The following MCC variants were observed in gnomAD, a reference collection of about 807,000 sequenced individuals.
MCC encodes MCC regulator of Wnt signaling pathway, also known as colorectal mutant cancer protein.
Under a neutral mutation model 116.2 loss-of-function variants are expected in MCC, and 90 were observed. That is an observed-to-expected ratio of 0.77 (90% CI 0.65 to 0.92). The LOEUF is 0.92. MCC is among the 40% of genes least tolerant of loss of function. The pLI is 0.00. For synonymous variants in MCC, 578 were observed against 510.5 expected (o/e 1.13, Z -1.78); for missense variants, 1,516 against 1,312.2 (o/e 1.16, Z -2.40).
chr5:113,024,478 G>GA lies in MCC; in HGVS notation c.*2823dup, dbSNP rs749450608. The GA allele has an allele frequency of 5.9e-5, 9 of 152,334 alleles. No individual in the cohort carries two copies. In the East Asian group the frequency reaches 9.6e-4, roughly 16 times the overall value. 9.4% of individuals were successfully genotyped at this position (152,334 alleles called of 1,614,324 possible). A position where few individuals can be genotyped will look rare whatever the true frequency, so the allele number is the denominator to read the frequency against. On this transcript the variant is annotated 3_prime_UTR_variant, in exon 19 of 19. Coordinates refer to ENST00000408903, the MANE Select transcript of MCC (RefSeq NM_001085377.2). ...GGGAAATATATTCCAAGGGAACTGT[G>GA]AAATGGGTCCTTTGGCTCTGTGCCC...
At chr5:113,091,406 A>G (rs1755633451) in intron 8 of MCC, among the ~76,000 whole-genome samples, 1 of 152,236 alleles carries the variant, frequency 6.6e-6, no homozygotes, top group Admixed American at 6.5e-5. Context: ...ACAGAGAGCA[A>G]AAGATAAAAC....
intron 3 of MCC, among the ~76,000 whole-genome samples, chr5:113,290,449 G>A (rs1183612075): frequency 6.6e-6 from 1 of 152,152 alleles, no homozygotes; most frequent in Non-Finnish European, 1.5e-5. Flanking sequence ...TGATTGCCAT[G>A]GGAGAAATTT....
chr5:113,082,766 T>C lies in MCC; in HGVS notation c.1784+94A>G. 3 of 1,485,316 alleles carry C rather than the reference T, an allele frequency of 2.0e-6. No homozygotes were observed. The South Asian group carries it at 3.9e-5, about 19-fold the overall frequency. 92.0% of individuals were successfully genotyped at this position (1,485,316 alleles called of 1,614,324 possible). A position where few individuals can be genotyped will look rare whatever the true frequency, so the allele number is the denominator to read the frequency against. ...CTGACGGTACTGCTCTATGTCACAA[T>C]ACATAAGCCACCTTGAACAGATCTT... On this transcript the variant is annotated intron_variant, in intron 11 of 18. Coordinates refer to ENST00000408903, the MANE Select transcript of MCC (RefSeq NM_001085377.2).
intron 11 of MCC, among the ~76,000 whole-genome samples, chr5:113,079,230 C>T (rs185094229): frequency 1.2e-3 from 176 of 152,298 alleles, no homozygotes; most frequent in African/African-American, 4.0e-3. Flanking sequence ...GGCCATACTG[C>T]CCAAGGCAAT....
chr5:113,197,405 T>C (rs1045510751), intron 3 of MCC, among the ~76,000 whole-genome samples: 1 of 152,110 alleles, frequency 6.6e-6, no homozygotes, highest in African/African-American at 2.4e-5. Flanking sequence ...TTTTAGGCAG[T>C]GAAAAGGCTG....
At chr5:113,190,814 G>C (rs1762119502) in intron 3 of MCC, among the ~76,000 whole-genome samples, 1 of 152,186 alleles carries the variant, frequency 6.6e-6, no homozygotes, top group Admixed American at 6.5e-5. Flanking sequence ...TGGGGAACAA[G>C]GGATTGTCTA....
chr5:113,233,845 C>T (rs952781333), intron 3 of MCC, among the ~76,000 whole-genome samples: 1 of 152,162 alleles, frequency 6.6e-6, no homozygotes, highest in Non-Finnish European at 1.5e-5. Context: ...AACAGATGGT[C>T]TAGGATGACT....
intron 1 of MCC, among the ~76,000 whole-genome samples, chr5:113,398,452 T>C (rs371611116): frequency 3.2e-4 from 49 of 152,204 alleles, no homozygotes; most frequent in East Asian, 9.7e-4. Flanking sequence ...CAGTGATGGA[T>C]TGGATAAAGA....
chr5:113,033,276 T>G (rs1323776568), intron 17 of MCC, among the ~76,000 whole-genome samples: 3 of 152,218 alleles, frequency 2.0e-5, no homozygotes, highest in Non-Finnish European at 4.4e-5. Context: ...CTTGAGGGAC[T>G]GGCGTAAGGC....
intron 1 of MCC, among the ~76,000 whole-genome samples, chr5:113,452,272 T>C (rs1181861388): frequency 3.9e-5 from 6 of 152,178 alleles, no homozygotes; most frequent in Non-Finnish European, 1.5e-5. Flanking sequence ...GCCACATGCA[T>C]ATATAGGAAT....
At chr5:113,305,276 G>A (rs931150593) in intron 3 of MCC, among the ~76,000 whole-genome samples, 7 of 152,098 alleles carry the variant, frequency 4.6e-5, no homozygotes, top group Admixed American at 2.0e-4. Flanking sequence ...CAGTTGTTTT[G>A]CATGATTATC....
intron 3 of MCC, among the ~76,000 whole-genome samples, chr5:113,210,989 G>C (rs911030924): frequency 1.3e-5 from 2 of 152,202 alleles, no homozygotes; most frequent in Non-Finnish European, 2.9e-5. Context: ...GGTTAGAAAA[G>C]ACTTCTCACT....
intron 1 of MCC, among the ~76,000 whole-genome samples, chr5:113,459,967 A>G (rs924893186): frequency 2.0e-5 from 3 of 152,228 alleles, no homozygotes; most frequent in Non-Finnish European, 1.5e-5. Flanking sequence ...CAAGGAATCA[A>G]GCTGGAAACT....
At chr5:113,428,213 TAA>T (rs1281009930) in intron 1 of MCC, among the ~76,000 whole-genome samples, 7 of 152,120 alleles carry the variant, frequency 4.6e-5, no homozygotes, top group Non-Finnish European at 1.0e-4. Context: ...GATGATCTCT[TAA>T]CCACAAGAAA....
chr5:113,469,655 T>G (rs967259016), intron 1 of MCC, among the ~76,000 whole-genome samples: 7 of 152,198 alleles, frequency 4.6e-5, no homozygotes, highest in Non-Finnish European at 7.3e-5. Context: ...AGAATGTATA[T>G]TCTGTTGATT....
chr5:113,101,905 T>A lies in MCC; in HGVS notation c.1232A>T (p.Tyr411Phe). The A allele has an allele frequency of 6.2e-7, 1 of 1,613,362 alleles. No homozygotes were observed. The highest frequency in any genetic ancestry group is 8.5e-7 in the Non-Finnish European group (1 of 1,179,886). The change falls in exon 8 of 19, where the codon TAT becomes TTT. Residue 411 changes from tyrosine to phenylalanine, a missense_variant. Transcript: ENST00000408903. ...EIEGVLGRDL[Y>F]PNLAEERSRW... ...AGACCTCTCTTCAGCCAGGTTGGGA[T>A]ACAGGTCCCGGCCAAGCACCCCCTC... is the stretch of plus-strand genomic sequence containing the variant.
At chr5:113,330,568 G>C (rs554039703) in intron 3 of MCC, among the ~76,000 whole-genome samples, 1 of 152,302 alleles carries the variant, frequency 6.6e-6, no homozygotes, top group East Asian at 1.9e-4. Context: ...GAAACTACAA[G>C]AAATGATAGA....
At chr5:113,194,958 G>C (rs1052842124) in intron 3 of MCC, among the ~76,000 whole-genome samples, 18 of 152,194 alleles carry the variant, frequency 1.2e-4, no homozygotes, top group Non-Finnish European at 2.2e-4. Context: ...CAACATCACA[G>C]CCAGGCTGGT....
chr5:113,433,797 G>A lies in MCC; in HGVS notation c.171-48585C>T, dbSNP rs199777349. ...CCCTTCCTCTGTCTCCATAGTCGAC[G>A]GCTTGCTGGGGAAACCCAGGATCTC... is the stretch of plus-strand genomic sequence containing the variant. On this transcript the variant is annotated intron_variant, in intron 1 of 18. Transcript: ENST00000408903. The A allele has an allele frequency of 3.6e-4, 588 of 1,613,924 alleles. 4 individuals carry two copies. Among genetic ancestry groups the A allele is most frequent in the South Asian group, 2.4e-3 (221 of 91,024 alleles).
Sources: gnomAD v4.1 joint callset for allele counts (sites outside exome capture counted in the v4.1 genomes callset) on GRCh38, gnomAD v4.1.1 for gene constraint, MANE v1.5 for transcripts, NCBI Gene and HGNC (gene_info 2026-07-23, HGNC 2026-07-21) for gene names.